The following SLC4A8 variants were observed in gnomAD, a reference collection of about 807,000 sequenced individuals.
The protein encoded by SLC4A8 is electroneutral sodium bicarbonate exchanger 1.
A neutral mutation model predicts 125.0 loss-of-function variants in SLC4A8; 40 were observed. The ratio of observed to expected loss-of-function variants is 0.32; its 90% CI spans 0.25 to 0.42. The LOEUF is 0.42. Among genes scored for constraint, SLC4A8 ranks in the 10% least tolerant of loss-of-function variants. The pLI is 1.00. For missense variants in SLC4A8, 863 were observed against 1,355.1 expected (o/e 0.64, Z 5.70); for synonymous variants, 456 against 476.0 (o/e 0.96, Z 0.55).
At chr12:51,506,333 T>C (rs895981294) in intron 24 of SLC4A8, among the ~76,000 whole-genome samples, 1 of 152,252 alleles carries the variant, frequency 6.6e-6, no homozygotes. Flanking sequence ...TTCTTTAACC[T>C]ATTTCACTTG....
At chr12:51,461,085 TG>T in intron 8 of SLC4A8, 118 bp from the exon 9 acceptor site, 1 of 503,940 alleles carries the variant, frequency 2.0e-6, no homozygotes, top group East Asian at 3.1e-5. Flanking sequence ...TTTTTTTTTT[TG>T]AAGGTACAGT....
At chr12:51,496,385 A>T (rs1951459315) in intron 21 of SLC4A8, among the ~76,000 whole-genome samples, 1 of 152,204 alleles carries the variant, frequency 6.6e-6, no homozygotes, top group African/African-American at 2.4e-5. Context: ...GATGCCCTGG[A>T]CATACCTTTA....
intron 19 of SLC4A8, 56 bp downstream of exon 19, chr12:51,490,007 T>C: frequency 6.4e-7 from 1 of 1,551,138 alleles, no homozygotes. Context: ...GTGCCAGGAA[T>C]CCTGCCAGGT....
intron 7 of SLC4A8, among the ~76,000 whole-genome samples, chr12:51,459,257 C>G (rs942620188): frequency 4.6e-5 from 7 of 152,186 alleles, no homozygotes; most frequent in African/African-American, 1.7e-4. Flanking sequence ...AACCTGAAAC[C>G]CCCGACAAAA....
intron 1 of SLC4A8, among the ~76,000 whole-genome samples, chr12:51,416,211 G>GTTTT (rs57565585): frequency 0.33 from 26,590 of 80,492 alleles, 3,430 homozygotes; most frequent in Non-Finnish European, 0.36. Context: ...GAGGTCTTTT[G>GTTTT]TTTTTTTTTT....
intron 10 of SLC4A8, among the ~76,000 whole-genome samples, chr12:51,463,368 A>G (rs1950404180): frequency 3.3e-5 from 5 of 151,774 alleles, no homozygotes; most frequent in Admixed American, 2.6e-4. Context: ...GGCAAGGCTT[A>G]GTTAGGAGTC....
At chr12:51,406,360 G>C (rs1948488322) in intron 1 of SLC4A8, among the ~76,000 whole-genome samples, 1 of 152,216 alleles carries the variant, frequency 6.6e-6, no homozygotes, top group Non-Finnish European at 1.5e-5. Flanking sequence ...AAGCATTATT[G>C]ATGTGGGGTA....
intron 1 of SLC4A8, among the ~76,000 whole-genome samples, chr12:51,394,193 G>A (rs927185696): frequency 6.6e-6 from 1 of 152,204 alleles, no homozygotes; most frequent in Non-Finnish European, 1.5e-5. Context: ...TGGTGCTCCT[G>A]AGAGGGCCGG....
chr12:51,401,299 G>T (rs750276640), intron 1 of SLC4A8, among the ~76,000 whole-genome samples: 2 of 152,130 alleles, frequency 1.3e-5, no homozygotes, highest in Non-Finnish European at 2.9e-5. Flanking sequence ...TCTTGCCTTG[G>T]TGTACCGGAA....
intron 10 of SLC4A8, among the ~76,000 whole-genome samples, chr12:51,463,171 T>G (rs1418962521): frequency 6.6e-6 from 1 of 152,156 alleles, no homozygotes; most frequent in Non-Finnish European, 1.5e-5. Flanking sequence ...CCAGGTGCTT[T>G]ATATATGCAA....
intron 1 of SLC4A8, among the ~76,000 whole-genome samples, chr12:51,413,180 A>T (rs1224290486): frequency 4.6e-5 from 7 of 152,056 alleles, no homozygotes. Flanking sequence ...GATATTGAGC[A>T]TTTTTTTCAT....
At chr12:51,453,026 C>T (rs1337304033) in intron 4 of SLC4A8, among the ~76,000 whole-genome samples, 1 of 152,094 alleles carries the variant, frequency 6.6e-6, no homozygotes, top group Non-Finnish European at 1.5e-5. Context: ...GACCTGGTAC[C>T]AAGTGAAAAG....
intron 22 of SLC4A8, among the ~76,000 whole-genome samples, chr12:51,503,335 C>T (rs140546679): frequency 2.6e-4 from 40 of 151,690 alleles, no homozygotes; most frequent in Middle Eastern, 3.4e-3. Context: ...CGCCATTCTC[C>T]GTCTCAGCTG....
At chr12:51,447,588 TC>T (rs775737294) in intron 2 of SLC4A8, among the ~76,000 whole-genome samples, 2 of 152,002 alleles carry the variant, frequency 1.3e-5, no homozygotes, top group Non-Finnish European at 1.5e-5. Flanking sequence ...GGTACAGCAG[TC>T]AAGGCCATGA....
At chr12:51,463,502 C>G (rs1950415190) in intron 10 of SLC4A8, 112 bp from the exon 11 acceptor site, 3 of 669,774 alleles carry the variant, frequency 4.5e-6, no homozygotes, top group African/African-American at 1.8e-5. Flanking sequence ...TTGAAAGCTA[C>G]AAACACGGGC....
intron 21 of SLC4A8, among the ~76,000 whole-genome samples, chr12:51,495,473 T>A (rs796308136): frequency 1.1e-4 from 15 of 133,924 alleles, no homozygotes; most frequent in African/African-American, 4.1e-4. Context: ...CTTTCTTCTT[T>A]TTTTTTTTTT....
chr12:51,496,659 A>G (rs977120295), intron 21 of SLC4A8, among the ~76,000 whole-genome samples: 4 of 152,236 alleles, frequency 2.6e-5, no homozygotes, highest in Middle Eastern at 3.2e-3. Flanking sequence ...ACCATGGCCC[A>G]GCTCCAGCAG....
At chr12:51,484,464 A>C (rs921161355) in intron 16 of SLC4A8, among the ~76,000 whole-genome samples, 2 of 152,204 alleles carry the variant, frequency 1.3e-5, no homozygotes, top group Admixed American at 6.5e-5. Flanking sequence ...GAAAAGGGCC[A>C]CTGGGCCCCA....
chr12:51,441,759 A>G (rs1414616975), intron 2 of SLC4A8, among the ~76,000 whole-genome samples: 1 of 152,174 alleles, frequency 6.6e-6, no homozygotes, highest in Non-Finnish European at 1.5e-5. Context: ...TCAAAGTTGT[A>G]CAACCTCCAG....
Sources: allele counts gnomAD v4.1 joint callset (sites outside exome capture counted in the v4.1 genomes callset), GRCh38; gene constraint gnomAD v4.1.1; transcripts MANE v1.5; gene names NCBI Gene and HGNC (gene_info 2026-07-23, HGNC 2026-07-21).